The following CDH23 variants were observed in gnomAD, a reference collection of about 807,000 sequenced individuals.
The protein encoded by CDH23 is cadherin-23.
In CDH23, 189 loss-of-function variants were observed where a neutral mutation model predicts 317.1. That is an observed-to-expected ratio of 0.60 (90% CI 0.53 to 0.67). The LOEUF is 0.67. Among genes scored for constraint, CDH23 ranks in the 30% least tolerant of loss-of-function variants. The probability of loss-of-function intolerance (pLI) is 0.00; values close to 1 mark genes in which losing one functional copy is unlikely to be tolerated. For missense variants in CDH23, 4,401 were observed against 4,592.4 expected, an observed-to-expected ratio of 0.96 and a Z score of 1.20; for synonymous variants, 1,839 against 1,876.8, an observed-to-expected ratio of 0.98 and a Z score of 0.52.
At chr10:71,418,670 C>G (rs1218670906) in intron 1 of CDH23, among the ~76,000 whole-genome samples, 1 of 152,226 alleles carries the variant, frequency 6.6e-6, no homozygotes, top group African/African-American at 2.4e-5. Flanking sequence ...CATACCGTAG[C>G]TTCTGTCTAA....
chr10:71,413,404 A>G (rs1295262823), intron 1 of CDH23, among the ~76,000 whole-genome samples: 2 of 152,272 alleles, frequency 1.3e-5, no homozygotes, highest in Middle Eastern at 6.8e-3. Flanking sequence ...TGAAATAGAA[A>G]GTGTGAGTAC....
chr10:71,571,097 G>A (rs533969620), intron 8 of CDH23, among the ~76,000 whole-genome samples, 179 bp downstream of exon 8: 56 of 152,276 alleles, frequency 3.7e-4, no homozygotes, highest in Non-Finnish European at 6.8e-4. Flanking sequence ...TTCACACCAC[G>A]CCCATCTCCT....
At chr10:71,478,609 C>T (rs1381221662) in intron 3 of CDH23, among the ~76,000 whole-genome samples, 2 of 152,180 alleles carry the variant, frequency 1.3e-5, no homozygotes, top group East Asian at 1.9e-4. Flanking sequence ...GGTGCTGGTC[C>T]AGGCAAACAT....
intron 28 of CDH23, among the ~76,000 whole-genome samples, chr10:71,722,925 A>G (rs1283559724): frequency 6.6e-6 from 1 of 152,170 alleles, no homozygotes. Context: ...TGATATTCCC[A>G]CATTTTACTG....
chr10:71,496,188 G>T (rs777163487), intron 3 of CDH23, among the ~76,000 whole-genome samples: 25 of 152,204 alleles, frequency 1.6e-4, no homozygotes, highest in Non-Finnish European at 3.2e-4. Flanking sequence ...AGTGGTTGGG[G>T]CCTGGGCATC....
intron 1 of CDH23, among the ~76,000 whole-genome samples, chr10:71,403,046 C>T (rs1272633793): frequency 6.6e-6 from 1 of 152,070 alleles, no homozygotes; most frequent in African/African-American, 2.4e-5. Flanking sequence ...GGGGTGAACC[C>T]AGGAGGCGGA....
intron 11 of CDH23, 144 bp downstream of exon 11, chr10:71,617,537 C>G: frequency 6.8e-7 from 1 of 1,476,132 alleles, no homozygotes. Flanking sequence ...ATAAATAAGG[C>G]TGAAAAAAAA....
intron 11 of CDH23, among the ~76,000 whole-genome samples, chr10:71,639,642 C>T (rs187284468): frequency 2.0e-4 from 31 of 152,290 alleles, no homozygotes; most frequent in African/African-American, 6.7e-4. Flanking sequence ...ACACTTACCC[C>T]CTCTGGCCCC....
intron 3 of CDH23, among the ~76,000 whole-genome samples, chr10:71,466,214 C>T (rs77408626): frequency 0.033 from 5,094 of 152,226 alleles, 293 homozygotes; most frequent in African/African-American, 0.11. Context: ...TGTGTATGAG[C>T]ATGTGAAGTG....
chr10:71,799,716 C>T, intron 52 of CDH23, 87 bp downstream of exon 52: 2 of 1,567,226 alleles, frequency 1.3e-6, no homozygotes, highest in South Asian at 1.1e-5. Context: ...TTGTAGTAAT[C>T]CCTCTGGGTC....
chr10:71,481,949 A>C (rs1363019476), intron 3 of CDH23, among the ~76,000 whole-genome samples: 2 of 152,134 alleles, frequency 1.3e-5, no homozygotes, highest in Non-Finnish European at 2.9e-5. Context: ...CTGAGTGGCC[A>C]GGAGAGCCTG....
Position 71,677,593 on chromosome 10 carries a change from T to G in CDH23, c.1652T>G (p.Val551Gly), listed in dbSNP as rs1251632622. The G allele has an allele frequency of 6.2e-7, 1 of 1,608,560 alleles. No homozygotes were observed. The highest frequency in any genetic ancestry group is 8.5e-7 in the Non-Finnish European group (1 of 1,177,884). Residue 551 changes from valine (V) to glycine (G), a missense_variant, in exon 16 of 70, where the codon GTG (valine) becomes GGG (glycine). Around this residue, in one of 3 missense-constraint regions of CDH23, gnomAD observed 3,068 missense variants for 3,203.3 expected, o/e 0.96. Transcript: ENST00000224721. The stretch of plus-strand genomic sequence containing the variant: ...ACCACAGGCCGGGTCAGGATCAATG[T>G]GTTGGATGTCAACGACAACGTGCCC... ...EETTGRVRIN[V>G]LDVNDNVPTF...
chr10:71,520,662 A>G (rs1175281529), intron 6 of CDH23, among the ~76,000 whole-genome samples: 1 of 152,238 alleles, frequency 6.6e-6, no homozygotes, highest in African/African-American at 2.4e-5. Flanking sequence ...CCCCATGAGC[A>G]GTAGGCCCGG....
chr10:71,675,473 G>C (rs536073569), intron 15 of CDH23, among the ~76,000 whole-genome samples: 1 of 152,210 alleles, frequency 6.6e-6, no homozygotes, highest in South Asian at 2.1e-4. Flanking sequence ...AAGTACTAGC[G>C]ACAGCACACC....
intron 49 of CDH23, among the ~76,000 whole-genome samples, chr10:71,798,061 G>A (rs979920218): frequency 6.6e-6 from 1 of 152,194 alleles, no homozygotes; most frequent in Non-Finnish European, 1.5e-5. Flanking sequence ...ACAGGATCTA[G>A]GGTCTTAAAG....
At chr10:71,807,132 G>T (rs1841755214) in intron 57 of CDH23, 145 bp from the exon 58 acceptor site, 5 of 1,053,008 alleles carry the variant, frequency 4.7e-6, no homozygotes, top group Non-Finnish European at 6.8e-6. Flanking sequence ...CTCCCTTGAG[G>T]TTACAACGGT....
At chr10:71,722,195 C>A (rs1373186612) in intron 28 of CDH23, among the ~76,000 whole-genome samples, 1 of 152,216 alleles carries the variant, frequency 6.6e-6, no homozygotes, top group African/African-American at 2.4e-5. Flanking sequence ...AATCCCACCA[C>A]TTTGGGAAGC....
intron 24 of CDH23, among the ~76,000 whole-genome samples, chr10:71,704,508 CTG>C (rs1414692416): frequency 6.6e-6 from 1 of 152,166 alleles, no homozygotes; most frequent in African/African-American, 2.4e-5. Flanking sequence ...CAGGGGAAGT[CTG>C]TGAATCCAGC....
chr10:71,740,472 G>A (rs1473729705), intron 36 of CDH23, among the ~76,000 whole-genome samples: 1 of 152,244 alleles, frequency 6.6e-6, no homozygotes, highest in African/African-American at 2.4e-5. Context: ...CTTGGGTCAG[G>A]TTGCAGGCCC....
Sources: allele counts gnomAD v4.1 joint callset (sites outside exome capture counted in the v4.1 genomes callset), GRCh38; gene constraint gnomAD v4.1.1; regional missense constraint gnomAD v4.1.1; transcripts MANE v1.5; gene names NCBI Gene and HGNC (gene_info 2026-07-23, HGNC 2026-07-21).